The following SDCCAG8 variants were observed in gnomAD, a reference collection of about 807,000 sequenced individuals.
SDCCAG8 encodes serologically defined colon cancer antigen 8.
In SDCCAG8, 74 loss-of-function variants were observed where a neutral mutation model predicts 101.8. The ratio of observed to expected loss-of-function variants is 0.73; its 90% CI spans 0.60 to 0.88. SDCCAG8 has a LOEUF of 0.88. SDCCAG8 is among the 40% of genes least tolerant of loss of function. The pLI is 0.00. For synonymous variants in SDCCAG8, 281 were observed against 292.9 expected, an observed-to-expected ratio of 0.96 and a Z score of 0.41; for missense variants, 787 against 822.6, an observed-to-expected ratio of 0.96 and a Z score of 0.53.
At chr1:243,479,100 G>GCAA (rs1308947720) in intron 16 of SDCCAG8, among the ~76,000 whole-genome samples, 4 of 152,196 alleles carry the variant, frequency 2.6e-5, no homozygotes, top group Non-Finnish European at 5.9e-5. Flanking sequence ...AAATGCCGCA[G>GCAA]CAATGGTTAA....
intron 8 of SDCCAG8, among the ~76,000 whole-genome samples, chr1:243,312,059 T>C (rs1431428097): frequency 6.6e-6 from 1 of 152,240 alleles, no homozygotes; most frequent in African/African-American, 2.4e-5. Context: ...ATATTAAACC[T>C]ATTAACACTG....
Position 243,499,995 on chromosome 1 carries a change from GTA to G in SDCCAG8, c.*212_*213del, listed in dbSNP as rs1280115832. 3.3e-6 allele frequency: 2 copies of G among 599,780 alleles called. No individual in the cohort carries two copies. The highest frequency in any genetic ancestry group is 3.7e-5 in the African/African-American group (2 of 54,292). 37.2% of individuals were successfully genotyped at this position (599,780 alleles called of 1,614,324 possible). On this transcript the variant is annotated 3_prime_UTR_variant, in exon 18 of 18. Transcript: ENST00000366541. The stretch of plus-strand genomic sequence containing the variant: ...ACTCTAGCTGAGCAGAGCTCCTGGT[GTA>G]TGTTTTCAGAAATGGCTTGAAGTTA...
chr1:243,418,043 C>G lies in SDCCAG8; in HGVS notation c.1820C>G (p.Ala607Gly). The G allele has an allele frequency of 6.2e-7, 1 of 1,612,690 alleles. No homozygotes were observed. Among genetic ancestry groups the G allele is most frequent in the Middle Eastern group, 1.7e-4 (1 of 6,054 alleles). Reference sequence around the variant, plus strand: ...TTAAAGGAAGAATGCTGTACATTAGCCAAGAAACTGGAACAAATCTCTCAA... The same window carrying G: ...TTAAAGGAAGAATGCTGTACATTAGGCAAGAAACTGGAACAAATCTCTCAA... ...TKLKEECCTL[A>G]KKLEQISQKT... Residue 607 changes from alanine (A) to glycine (G), a missense_variant, in exon 15 of 18, where the codon GCC becomes GGC. Transcript: ENST00000366541.
intron 16 of SDCCAG8, among the ~76,000 whole-genome samples, chr1:243,454,586 T>C (rs2083600291): frequency 6.6e-6 from 1 of 152,176 alleles, no homozygotes; most frequent in South Asian, 2.1e-4. Flanking sequence ...GAGTGGCTAA[T>C]AGGAATCTGC....
chr1:243,305,806 C>G (rs1484813219), intron 7 of SDCCAG8: 1 of 152,138 alleles, frequency 6.6e-6, no homozygotes, highest in Non-Finnish European at 1.5e-5. Context: ...AGCCAGAACT[C>G]AGCTGATTGT....
chr1:243,481,045 T>C (rs955669797), intron 16 of SDCCAG8, among the ~76,000 whole-genome samples: 3 of 151,912 alleles, frequency 2.0e-5, no homozygotes, highest in South Asian at 4.2e-4. Context: ...GACTCCAGTG[T>C]GTCAGGTGGT....
chr1:243,448,388 G>A (rs2083092059), intron 16 of SDCCAG8, among the ~76,000 whole-genome samples: 1 of 152,198 alleles, frequency 6.6e-6, no homozygotes, highest in Non-Finnish European at 1.5e-5. Flanking sequence ...GGTGGTTGGT[G>A]TTTGTTCATG....
chr1:243,489,060 G>T lies in SDCCAG8; in HGVS notation c.2032G>T (p.Val678Leu), dbSNP rs755629522. ...CAGCCAGGCCACAGCCCAGCAGCTG[G>T]TGCAGCTCCTCAGCAAGCAGAACCA... Reference protein sequence around the residue: ...KHSQATAQQLVQLLSKQNQLL... With the variant: ...KHSQATAQQLLQLLSKQNQLL... Residue 678 changes from valine (V) to leucine (L), a missense_variant, in exon 17 of 18, where the codon GTG (valine) becomes TTG (leucine). Transcript: ENST00000366541. 1 of 1,613,436 alleles carries T rather than the reference G, an allele frequency of 6.2e-7. No homozygotes were observed. The highest frequency in any genetic ancestry group is 1.1e-5 in the South Asian group (1 of 91,076).
chr1:243,384,356 A>G (rs1278789525), intron 13 of SDCCAG8, among the ~76,000 whole-genome samples: 1 of 152,218 alleles, frequency 6.6e-6, no homozygotes, highest in Non-Finnish European at 1.5e-5. Flanking sequence ...TCTCACAAAT[A>G]TCAGAGTACA....
Position 243,458,216 on chromosome 1 carries a change from C to T in SDCCAG8, c.1986-30798C>T, listed in dbSNP as rs1658228019. ...AAGAAGCTCAACCATCCTTTAGCCT[C>T]CCTGGCCAGGGACCCTGGCCTCTGC... On this transcript the variant is annotated intron_variant, in intron 16 of 17. Transcript: ENST00000366541. This position sits in a 1 kb window ranked among gnomAD's most constrained non-coding sequence, Gnocchi z 4.5. Among the ~76,000 whole-genome samples the T allele has an allele frequency of 6.6e-6, 1 of 152,114 alleles. No homozygotes were observed. Among genetic ancestry groups the T allele is most frequent in the African/African-American group, 2.4e-5 (1 of 41,416 alleles).
intron 13 of SDCCAG8, among the ~76,000 whole-genome samples, chr1:243,388,020 G>A (rs1458829220): frequency 6.6e-6 from 1 of 152,050 alleles, no homozygotes; most frequent in Admixed American, 6.6e-5. Flanking sequence ...CCGGCCTCTA[G>A]TACAGATATT....
chr1:243,380,142 C>G (rs1027905636), intron 13 of SDCCAG8, among the ~76,000 whole-genome samples: 20 of 152,028 alleles, frequency 1.3e-4, no homozygotes, highest in African/African-American at 4.8e-4. Flanking sequence ...TGTCTGGTAT[C>G]TAGAAAAAAA....
rs371182563 is a variant in SDCCAG8 at position 243,271,059 on chromosome 1, C to T, written c.302C>T (p.Pro101Leu). 1 of 1,604,644 alleles carries T rather than the reference C, an allele frequency of 6.2e-7. No individual in the cohort carries two copies. The highest frequency in any genetic ancestry group is 8.5e-7 in the Non-Finnish European group (1 of 1,171,564). ...CCGTCAAGAAGAAGAAAAATGTCCC[C>T]CTTGGTAAGTATCAACTTTTCCAAG... ...VSPSRRRKMS[P>L]LRSLEHEETN... The change falls in exon 3 of 18, where the codon CCC becomes CTC. Residue 101 changes from proline to leucine, a missense_variant. Pro to Leu is a moderately conservative substitution (Grantham distance 98, BLOSUM62 -3). Transcript: ENST00000366541.
At chr1:243,281,861 G>A (rs1484119916) in intron 4 of SDCCAG8, among the ~76,000 whole-genome samples, 1 of 151,978 alleles carries the variant, frequency 6.6e-6, no homozygotes, top group South Asian at 2.1e-4. Context: ...GCCCAGGCTG[G>A]TGGCGAACTC....
rs577884775 is a variant in SDCCAG8, at chr1:243,387,628, G to C, written c.1616+8765G>C. Among the ~76,000 whole-genome samples the C allele has an allele frequency of 2.6e-4, 39 of 152,354 alleles. No homozygotes were observed. In the South Asian group the frequency reaches 7.9e-3, roughly 31 times the overall value. On this transcript the variant is annotated intron_variant, in intron 13 of 17. Coordinates refer to ENST00000366541, the MANE Select transcript of SDCCAG8 (RefSeq NM_006642.5). ...AGCAGAGGAGTCACTAGGTTAACCT[G>C]TTATGATGGATAGATCATGTGGGGA...
chr1:243,485,092 G>T (rs756895919), intron 16 of SDCCAG8, among the ~76,000 whole-genome samples: 1 of 151,866 alleles, frequency 6.6e-6, no homozygotes, highest in Non-Finnish European at 1.5e-5. Flanking sequence ...GTTTAGCAAG[G>T]CTTGGTTCGT....
chr1:243,485,673 A>C (rs1383508707), intron 16 of SDCCAG8, among the ~76,000 whole-genome samples: 1 of 152,066 alleles, frequency 6.6e-6, no homozygotes, highest in Non-Finnish European at 1.5e-5. Context: ...TGGGAGGCTG[A>C]GGTGGGTGAA....
At chr1:243,278,718 G>T (rs186805792) in intron 4 of SDCCAG8, among the ~76,000 whole-genome samples, 9 of 152,180 alleles carry the variant, frequency 5.9e-5, no homozygotes, top group Non-Finnish European at 1.0e-4. Context: ...GTCTGCAAAC[G>T]AAAGACAGTG....
chr1:243,484,476 C>T (rs1288260884), intron 16 of SDCCAG8, among the ~76,000 whole-genome samples: 1 of 152,200 alleles, frequency 6.6e-6, no homozygotes, highest in East Asian at 1.9e-4. Flanking sequence ...GTTCCTGCCT[C>T]ATGGAATTGT....
Sources: allele counts gnomAD v4.1 joint callset (sites outside exome capture counted in the v4.1 genomes callset), GRCh38; gene constraint gnomAD v4.1.1; non-coding constraint Gnocchi (gnomAD v3.1); transcripts MANE v1.5; gene names NCBI Gene and HGNC (gene_info 2026-07-23, HGNC 2026-07-21).